The following CNTNAP2 variants were observed in gnomAD, a reference collection of about 807,000 sequenced individuals.
CNTNAP2 encodes contactin associated protein 2, also known as contactin-associated protein-like 2.
In CNTNAP2, 98 loss-of-function variants were observed where a neutral mutation model predicts 155.2. That is an observed-to-expected ratio of 0.63 (90% CI 0.54 to 0.75). The LOEUF (loss-of-function observed/expected upper bound fraction) is 0.75. Ranked by LOEUF, CNTNAP2 falls within the 30% of genes least tolerant of loss-of-function variation. CNTNAP2 has a pLI of 0.00. For missense variants in CNTNAP2, 1,727 were observed against 1,688.1 expected (o/e 1.02, Z -0.40); for synonymous variants, 651 against 631.2 (o/e 1.03, Z -0.47).
chr7:147,142,814 T>G lies in CNTNAP2; in HGVS notation c.1348+10305T>G, dbSNP rs79257316. On this transcript the variant is annotated intron_variant, in intron 8 of 23. Coordinates refer to ENST00000361727, the MANE Select transcript of CNTNAP2 (RefSeq NM_014141.6). ...GCCACACAAGAACATGCACAAACTATGCTCCACTGGAGCATTTGGCCTCAT... is the reference window on the plus strand; with the variant it reads ...GCCACACAAGAACATGCACAAACTAGGCTCCACTGGAGCATTTGGCCTCAT... 3.6e-3 allele frequency among the ~76,000 whole-genome samples: 555 copies of G among 152,310 alleles called. 4 individuals carry two copies. The highest frequency in any genetic ancestry group is 0.013 in the African/African-American group (537 of 41,576).
rs566637416 is a variant in CNTNAP2 at position 148,359,636 on chromosome 7, T to C, written c.3476-24013T>C. Among the ~76,000 whole-genome samples, 15 of 152,366 alleles carry C rather than the reference T, an allele frequency of 9.8e-5. No individual in the cohort carries two copies. In the South Asian group the frequency reaches 3.1e-3, roughly 32 times the overall value. On this transcript the variant is annotated intron_variant, in intron 21 of 23. Transcript: ENST00000361727. ...AAAAATGTCTTCTTTTGGAAAGCCA[T>C]TCAGAAAACATACTCAGTAGGACAG...
At chr7:147,676,697 T>C (rs1277159535) in intron 13 of CNTNAP2, among the ~76,000 whole-genome samples, 1 of 151,992 alleles carries the variant, frequency 6.6e-6, no homozygotes, top group East Asian at 1.9e-4. Flanking sequence ...ACTACCATTC[T>C]ATTCTCTACT....
intron 1 of CNTNAP2, among the ~76,000 whole-genome samples, chr7:146,508,509 T>C (rs1411047281): frequency 6.6e-6 from 1 of 152,204 alleles, no homozygotes; most frequent in African/African-American, 2.4e-5. Context: ...CGGGTTCCCA[T>C]AGATGAGGCT....
chr7:146,687,736 A>G (rs899613967), intron 1 of CNTNAP2, among the ~76,000 whole-genome samples: 2 of 152,184 alleles, frequency 1.3e-5, no homozygotes, highest in Non-Finnish European at 2.9e-5. Context: ...TATATTTAGC[A>G]ATAAGGAGAT....
chr7:146,990,614 T>A (rs1378042635), intron 3 of CNTNAP2, among the ~76,000 whole-genome samples: 2 of 152,100 alleles, frequency 1.3e-5, no homozygotes, highest in African/African-American at 2.4e-5. Flanking sequence ...AAGAAAACCT[T>A]GTTCATAATT....
chr7:146,938,894 A>G (rs113547672), intron 3 of CNTNAP2, among the ~76,000 whole-genome samples: 1 of 152,104 alleles, frequency 6.6e-6, no homozygotes, highest in Non-Finnish European at 1.5e-5. Flanking sequence ...AAATCTAACA[A>G]TCCTGATGAA....
At chr7:148,127,447 G>A (rs1249841345) in intron 16 of CNTNAP2, among the ~76,000 whole-genome samples, 1 of 152,164 alleles carries the variant, frequency 6.6e-6, no homozygotes, top group African/African-American at 2.4e-5. Context: ...CCAAGTTTGA[G>A]ATTTTTAAGG....
At chr7:147,023,558 T>C (rs1359933527) in intron 3 of CNTNAP2, among the ~76,000 whole-genome samples, 1 of 152,176 alleles carries the variant, frequency 6.6e-6, no homozygotes, top group African/African-American at 2.4e-5. Context: ...CCTGTTGTCA[T>C]TTTGTAGCCT....
intron 1 of CNTNAP2, among the ~76,000 whole-genome samples, chr7:146,494,431 A>G (rs1797184961): frequency 6.6e-6 from 1 of 152,132 alleles, no homozygotes; most frequent in African/African-American, 2.4e-5. Context: ...TTGAATAATA[A>G]TATTTTAAGA....
At chr7:147,701,789 G>T (rs1367650188) in intron 13 of CNTNAP2, among the ~76,000 whole-genome samples, 8 of 152,148 alleles carry the variant, frequency 5.3e-5, no homozygotes, top group African/African-American at 1.7e-4. Context: ...CTTCATTCTA[G>T]TTATAAGGCC....
At chr7:146,693,110 T>G (rs1388321410) in intron 1 of CNTNAP2, among the ~76,000 whole-genome samples, 1 of 152,084 alleles carries the variant, frequency 6.6e-6, no homozygotes, top group African/African-American at 2.4e-5. Flanking sequence ...AGCTATAAAA[T>G]GGAGACGATA....
At chr7:148,066,730 C>A (rs185886933) in intron 15 of CNTNAP2, among the ~76,000 whole-genome samples, 2 of 152,084 alleles carry the variant, frequency 1.3e-5, no homozygotes, top group Non-Finnish European at 2.9e-5. Flanking sequence ...GATCTCCTGA[C>A]CTCATGATCC....
At chr7:146,642,688 T>TG (rs1393847878) in intron 1 of CNTNAP2, among the ~76,000 whole-genome samples, 2 of 152,154 alleles carry the variant, frequency 1.3e-5, no homozygotes, top group Non-Finnish European at 2.9e-5. Flanking sequence ...ATGGGATGGC[T>TG]GGGTCAAATG....
chr7:147,517,299 T>A (rs928832375), intron 11 of CNTNAP2, among the ~76,000 whole-genome samples: 1 of 152,200 alleles, frequency 6.6e-6, no homozygotes, highest in South Asian at 2.1e-4. Context: ...CTCTGACTGT[T>A]AGGGTTAGGG....
At chr7:147,189,987 AC>A (rs1802649869) in intron 8 of CNTNAP2, among the ~76,000 whole-genome samples, 1 of 151,730 alleles carries the variant, frequency 6.6e-6, no homozygotes, top group East Asian at 1.9e-4. Flanking sequence ...CTCGTGATCC[AC>A]CCGCCTCGGC....
At chr7:146,647,110 G>A (rs1799825513) in intron 1 of CNTNAP2, among the ~76,000 whole-genome samples, 1 of 152,146 alleles carries the variant, frequency 6.6e-6, no homozygotes, top group South Asian at 2.1e-4. Context: ...GTGCCAATGG[G>A]TGAAGGGATA....
intron 9 of CNTNAP2, among the ~76,000 whole-genome samples, chr7:147,371,676 A>G (rs942699231): frequency 1.3e-5 from 2 of 152,072 alleles, no homozygotes; most frequent in African/African-American, 2.4e-5. Context: ...AACATTCACC[A>G]CTAAACCTGA....
intron 2 of CNTNAP2, among the ~76,000 whole-genome samples, chr7:146,818,608 G>A (rs1266868759): frequency 6.6e-6 from 1 of 152,090 alleles, no homozygotes; most frequent in Non-Finnish European, 1.5e-5. Context: ...CTAGCTCTCT[G>A]TGGCCTGGGC....
intron 14 of CNTNAP2, among the ~76,000 whole-genome samples, chr7:147,954,670 T>G (rs1255979736): frequency 1.3e-5 from 2 of 152,216 alleles, no homozygotes; most frequent in Admixed American, 1.3e-4. Flanking sequence ...TTTTTATAAT[T>G]TTTAGATGAC....
Sources: allele counts gnomAD v4.1 joint callset (sites outside exome capture counted in the v4.1 genomes callset), GRCh38; gene constraint gnomAD v4.1.1; transcripts MANE v1.5; gene names NCBI Gene and HGNC (gene_info 2026-07-23, HGNC 2026-07-21).